Variants in RINT1 observed in about 807,000 individuals in gnomAD.
RINT1 encodes the protein RAD50-interacting protein 1.
RINT1 carries 75 observed loss-of-function variants against 97.7 expected under a neutral mutation model. That is an observed-to-expected ratio of 0.77 (90% CI 0.64 to 0.93). The LOEUF is 0.93. Ranked by LOEUF, RINT1 falls within the 40% of genes least tolerant of loss-of-function variation. RINT1 has a pLI of 0.00. For synonymous variants in RINT1, 303 were observed against 326.3 expected (o/e 0.93, Z 0.77); for missense variants, 892 against 925.2 (o/e 0.96, Z 0.47).
At chr7:105,565,715 CT>C in intron 14 of RINT1, 67 bp downstream of exon 14, 1 of 1,052,940 alleles carries the variant, frequency 9.5e-7, no homozygotes, top group Non-Finnish European at 1.4e-6. Flanking sequence ...CTCCTTTTAA[CT>C]TTAGGGTTCT....
chr7:105,541,156 C>A (rs1307670883), intron 3 of RINT1, among the ~76,000 whole-genome samples: 2 of 142,680 alleles, frequency 1.4e-5, no homozygotes, highest in Admixed American at 7.1e-5. Flanking sequence ...TTTTTTTCTT[C>A]TTTGAGGAGT....
intron 3 of RINT1, among the ~76,000 whole-genome samples, chr7:105,538,165 G>T (rs1254636683): frequency 1.3e-5 from 2 of 151,808 alleles, no homozygotes; most frequent in African/African-American, 4.8e-5. Context: ...GCTAATTTTG[G>T]TATTTTTAGT....
At chr7:105,541,055 G>A (rs1011406574) in intron 3 of RINT1, among the ~76,000 whole-genome samples, 1 of 151,082 alleles carries the variant, frequency 6.6e-6, no homozygotes, top group Non-Finnish European at 1.5e-5. Context: ...GGCCAGGCTG[G>A]TCTTGAACTC....
In RINT1 at chr7:105,532,327, C is replaced by A; in HGVS notation, c.12C>A (p.Ala4=). 6.3e-7 allele frequency: 1 copy of A among 1,594,836 alleles called. No homozygotes were observed. Among genetic ancestry groups the A allele is most frequent in the Non-Finnish European group, 8.5e-7 (1 of 1,172,958 alleles). Residue 4 remains alanine, a synonymous_variant, in exon 1 of 15, where the codon GCC becomes GCA. Coordinates refer to ENST00000257700, the MANE Select transcript of RINT1 (RefSeq NM_021930.6). The part of the protein sequence containing the change: MLP[A]GEIGASPAAP... Reference sequence around the variant, plus strand: ...CGCGCGGAGGCGAGATGCTACCAGCCGGCGAGATCGGCGCCTCTCCTGCAG... The same window carrying A: ...CGCGCGGAGGCGAGATGCTACCAGCAGGCGAGATCGGCGCCTCTCCTGCAG...
chr7:105,563,610 G>C, intron 11 of RINT1, 123 bp from the exon 12 acceptor site: 1 of 771,460 alleles, frequency 1.3e-6, no homozygotes, highest in South Asian at 1.8e-5. Flanking sequence ...GGGATTACAG[G>C]CATGAGCCAC....
intron 11 of RINT1, among the ~76,000 whole-genome samples, chr7:105,561,009 C>T (rs28470239): frequency 1.5e-3 from 224 of 151,734 alleles, no homozygotes; most frequent in African/African-American, 5.1e-3. Context: ...CGTAAGCCAC[C>T]GTGCCAGGCC....
chr7:105,544,107 A>T (rs987908025), intron 4 of RINT1, among the ~76,000 whole-genome samples: 1 of 151,900 alleles, frequency 6.6e-6, no homozygotes, highest in Non-Finnish European at 1.5e-5. Context: ...TCTCAAAAAA[A>T]AAACAAAAAA....
intron 11 of RINT1, among the ~76,000 whole-genome samples, chr7:105,559,386 C>G (rs184987523): frequency 6.6e-6 from 1 of 151,904 alleles, no homozygotes. Context: ...ACTAAAAATA[C>G]AAAAACTAGC....
chr7:105,550,455 T>A lies in RINT1; in HGVS notation c.1302T>A (p.Cys434Ter). The A allele has an allele frequency of 6.2e-7, 1 of 1,614,046 alleles. No individual in the cohort carries two copies. Among genetic ancestry groups the A allele is most frequent in the East Asian group, 2.2e-5 (1 of 44,862 alleles). Residue 434 changes from cysteine to a stop codon, truncating the protein, a stop_gained, in exon 9 of 15, where the codon TGT becomes TGA. Coordinates refer to ENST00000257700, the MANE Select transcript of RINT1 (RefSeq NM_021930.6). LOFTEE classifies it high-confidence loss of function. ...SCMHILSEET[C>*]FQRWLTVERK... The stretch of plus-strand genomic sequence containing the variant: ...TGCATATTCTATCAGAGGAAACCTG[T>A]TTTCAGAGATGGTTGACGGTGGAGA...
At chr7:105,549,994 G>A (rs921868486) in intron 7 of RINT1, 61 bp from the exon 8 acceptor site, 3 of 1,056,026 alleles carry the variant, frequency 2.8e-6, no homozygotes, top group Admixed American at 2.1e-5. Flanking sequence ...ATAGAACCAT[G>A]TAATTGTAAC....
intron 11 of RINT1, among the ~76,000 whole-genome samples, chr7:105,561,602 C>T (rs1791444658): frequency 6.6e-6 from 1 of 152,124 alleles, no homozygotes; most frequent in Admixed American, 6.6e-5. Context: ...ACTCTTGTCG[C>T]CCAGGCTAGG....
chr7:105,566,865 G>A, intron 14 of RINT1: 1 of 250,088 alleles, frequency 4.0e-6, no homozygotes, highest in Non-Finnish European at 7.5e-6. Context: ...TTAATATTAA[G>A]TATTGTATTT....
Position 105,532,203 on chromosome 7 carries a change from G to A in RINT1, c.-113G>A. 8.6e-7 allele frequency: 1 copy of A among 1,164,296 alleles called. No individual in the cohort carries two copies. The highest frequency in any genetic ancestry group is 1.2e-6 in the Non-Finnish European group (1 of 832,684). 72.1% of individuals were successfully genotyped at this position (1,164,296 alleles called of 1,614,324 possible). A position where few individuals can be genotyped will look rare whatever the true frequency, so the allele number is the denominator to read the frequency against. ...TGAGACATCGAGAGGAAGTCGCTGTGGCACTCAGTCCTACGGCCTCCGAGG... is the reference window on the plus strand; with the variant it reads ...TGAGACATCGAGAGGAAGTCGCTGTAGCACTCAGTCCTACGGCCTCCGAGG... On this transcript the variant is annotated 5_prime_UTR_variant, in exon 1 of 15. Transcript: ENST00000257700.
intron 7 of RINT1, among the ~76,000 whole-genome samples, chr7:105,549,640 C>T (rs1397315047): frequency 2.6e-5 from 4 of 152,112 alleles, no homozygotes; most frequent in Admixed American, 6.6e-5. Flanking sequence ...TGAGCTGCCA[C>T]GCCTGGCCAG....
In RINT1 at chr7:105,567,383, T is replaced by C. The variant is rs1396162763; in HGVS notation, c.*72T>C. 1.9e-6 allele frequency: 2 copies of C among 1,034,230 alleles called. No individual in the cohort carries two copies. Among genetic ancestry groups the C allele is most frequent in the African/African-American group, 3.2e-5 (2 of 62,084 alleles). 64.1% of individuals were successfully genotyped at this position (1,034,230 alleles called of 1,614,324 possible). On this transcript the variant is annotated 3_prime_UTR_variant, in exon 15 of 15. Coordinates refer to ENST00000257700, the MANE Select transcript of RINT1 (RefSeq NM_021930.6). ...GAAGCCAATTGGATTTCAAGTTATA[T>C]GATGAAATTCTGAATTAATGAAACT...
chr7:105,551,812 T>C, intron 10 of RINT1, 105 bp downstream of exon 10: 1 of 890,072 alleles, frequency 1.1e-6, no homozygotes, highest in Non-Finnish European at 1.6e-6. Flanking sequence ...ATGCCTGTAA[T>C]CCTAGCACTT....
chr7:105,543,198 A>G (rs912067475), intron 4 of RINT1, among the ~76,000 whole-genome samples: 18 of 152,230 alleles, frequency 1.2e-4, no homozygotes, highest in Admixed American at 1.0e-3. Context: ...CCAAACTTTT[A>G]AGTCTTACAG....
rs1476551665 is a variant in RINT1, at chr7:105,532,845, G to A, written c.64G>A (p.Glu22Lys). 1.2e-6 allele frequency: 2 copies of A among 1,613,998 alleles called. No individual in the cohort carries two copies. The highest frequency in any genetic ancestry group is 1.7e-5 in the Admixed American group (1 of 59,978). Reference sequence around the variant, plus strand: ...CTAGTGCTGCTCTGAAAGTGGTGACGAAAGGAAGAACCTCGAGGAGAAAAG... The same window carrying A: ...CTAGTGCTGCTCTGAAAGTGGTGACAAAAGGAAGAACCTCGAGGAGAAAAG... The part of the protein sequence containing the change: ...AAPCCSESGD[E>K]RKNLEEKSDI... The change falls in exon 2 of 15, where the codon GAA becomes AAA. Residue 22 changes from glutamate to lysine, a missense_variant. By Grantham distance (56) the Glu-to-Lys change is moderately conservative. Transcript: ENST00000257700.
At chr7:105,540,765 C>T (rs1254453361) in intron 3 of RINT1, among the ~76,000 whole-genome samples, 1 of 151,692 alleles carries the variant, frequency 6.6e-6, no homozygotes, top group Non-Finnish European at 1.5e-5. Context: ...TTAGCCTGGC[C>T]TTAATTCAGA....
Sources: gnomAD v4.1 joint callset for allele counts (sites outside exome capture counted in the v4.1 genomes callset) on GRCh38, gnomAD v4.1.1 for gene constraint, MANE v1.5 for transcripts, NCBI Gene and HGNC (gene_info 2026-07-23, HGNC 2026-07-21) for gene names.